The following NECTIN1 variants were observed in gnomAD, a reference collection of about 807,000 sequenced individuals.
The protein encoded by NECTIN1 is nectin-1.
A neutral mutation model predicts 48.0 loss-of-function variants in NECTIN1; 23 were observed. The observed-to-expected ratio is 0.48, with a 90% CI of 0.34 to 0.68. The LOEUF is 0.68. Among genes scored for constraint, NECTIN1 ranks in the 30% least tolerant of loss-of-function variants. NECTIN1 has a pLI of 0.01. For missense variants in NECTIN1, 591 were observed against 709.9 expected (o/e 0.83, Z 1.90); for synonymous variants, 270 against 288.9 (o/e 0.93, Z 0.66).
At chr11:119,643,820 TG>T (rs1864358776) in intron 5 of NECTIN1, among the ~76,000 whole-genome samples, 1 of 152,040 alleles carries the variant, frequency 6.6e-6, no homozygotes, top group Non-Finnish European at 1.5e-5. Context: ...CTGGAATCAG[TG>T]TCGGGGGGTG....
chr11:119,659,530 G>A (rs570620928), downstream of NECTIN1, among the ~76,000 whole-genome samples: 37 of 152,330 alleles, frequency 2.4e-4, 1 homozygote, highest in South Asian at 7.7e-3. Flanking sequence ...TTGGGCAGAA[G>A]GAGCCACAGC....
At chr11:119,649,361 C>A (rs1864457273) in intron 5 of NECTIN1, among the ~76,000 whole-genome samples, 1 of 144,940 alleles carries the variant, frequency 6.9e-6, no homozygotes, top group Non-Finnish European at 1.5e-5. Context: ...AGCCTGACAA[C>A]AGAGTGAGAC....
chr11:119,654,335 C>G (rs1261552051), intron 5 of NECTIN1: 3 of 152,124 alleles, frequency 2.0e-5, no homozygotes, highest in African/African-American at 7.2e-5. Flanking sequence ...AGTTTAACCA[C>G]CAGGATTGAG....
chr11:119,671,006 G>A (rs1864854738), intron 5 of NECTIN1, among the ~76,000 whole-genome samples: 1 of 151,946 alleles, frequency 6.6e-6, no homozygotes, highest in South Asian at 2.1e-4. Context: ...AAAGAACCCC[G>A]GTTATTTTGT....
chr11:119,711,033 C>T (rs191262645), intron 1 of NECTIN1, among the ~76,000 whole-genome samples: 55 of 148,654 alleles, frequency 3.7e-4, no homozygotes, highest in African/African-American at 1.4e-3. Context: ...GTTTTCCTTT[C>T]TTGGCATGGG....
chr11:119,659,582 TAA>T (rs1368943275), downstream of NECTIN1, among the ~76,000 whole-genome samples: 1 of 152,134 alleles, frequency 6.6e-6, no homozygotes, highest in African/African-American at 2.4e-5. Flanking sequence ...ACTAGAAGAC[TAA>T]GAGTATGCCC....
intron 1 of NECTIN1, among the ~76,000 whole-genome samples, chr11:119,686,482 G>A (rs1865156472): frequency 6.6e-6 from 1 of 152,134 alleles, no homozygotes; most frequent in African/African-American, 2.4e-5. Flanking sequence ...TCACTCAGCT[G>A]CCAGAGGGAT....
At chr11:119,654,549 CGT>C (rs954035153) in intron 5 of NECTIN1, among the ~76,000 whole-genome samples, 4 of 19,376 alleles carry the variant, frequency 2.1e-4, no homozygotes, top group Non-Finnish European at 5.1e-4. Context: ...TGTGTGTGTG[CGT>C]GTGTGTGTGT....
chr11:119,723,496 C>T (rs977807967), intron 1 of NECTIN1, among the ~76,000 whole-genome samples: 15 of 152,216 alleles, frequency 9.9e-5, no homozygotes, highest in Admixed American at 6.5e-5. Flanking sequence ...TAGCTGCCCC[C>T]GCCTGAGAAT....
intron 1 of NECTIN1, among the ~76,000 whole-genome samples, chr11:119,702,515 G>A (rs1672791336): frequency 6.6e-6 from 1 of 152,198 alleles, no homozygotes; most frequent in Admixed American, 6.5e-5. Context: ...TTCTGCTTCT[G>A]GTTGGGCCTA....
At chr11:119,642,517 T>C (rs1274844843) in intron 5 of NECTIN1, 1 of 153,558 alleles carries the variant, frequency 6.5e-6, no homozygotes, top group East Asian at 1.9e-4. Context: ...CCAGGAAACT[T>C]CTCTCAGAGG....
chr11:119,688,599 A>C (rs983911795), intron 1 of NECTIN1, among the ~76,000 whole-genome samples: 6 of 152,154 alleles, frequency 3.9e-5, no homozygotes, highest in African/African-American at 1.4e-4. Flanking sequence ...CCCGGGTAAG[A>C]CCACTGGCCT....
chr11:119,711,462 G>A (rs1379624548), intron 1 of NECTIN1, among the ~76,000 whole-genome samples: 3 of 152,108 alleles, frequency 2.0e-5, no homozygotes, highest in African/African-American at 4.8e-5. Context: ...AGCTCCCATC[G>A]GTTTACTGTA....
At chr11:119,689,667 C>T (rs917029512) in intron 1 of NECTIN1, among the ~76,000 whole-genome samples, 6 of 152,226 alleles carry the variant, frequency 3.9e-5, no homozygotes, top group East Asian at 1.9e-4. Flanking sequence ...GAGCTCCGTG[C>T]GCACTGCCAG....
At chr11:119,701,651 C>T (rs549564665) in intron 1 of NECTIN1, among the ~76,000 whole-genome samples, 54 of 152,292 alleles carry the variant, frequency 3.5e-4, no homozygotes, top group African/African-American at 1.1e-3. Flanking sequence ...CTCTAGGGGG[C>T]ATCTGGAGAG....
At chr11:119,719,066 G>A (rs1480347450) in intron 1 of NECTIN1, among the ~76,000 whole-genome samples, 2 of 152,122 alleles carry the variant, frequency 1.3e-5, no homozygotes, top group Non-Finnish European at 2.9e-5. Context: ...TTTGGATTGC[G>A]ACCCTTCAGG....
At chr11:119,647,790 C>G (rs148164756) in intron 5 of NECTIN1, among the ~76,000 whole-genome samples, 1 of 152,046 alleles carries the variant, frequency 6.6e-6, no homozygotes, top group Admixed American at 6.6e-5. Context: ...GGACTGGGCG[C>G]GGTGGCTCAC....
At chr11:119,697,348 G>A (rs1865359330) in intron 1 of NECTIN1, among the ~76,000 whole-genome samples, 1 of 152,104 alleles carries the variant, frequency 6.6e-6, no homozygotes, top group Non-Finnish European at 1.5e-5. Flanking sequence ...CTCCAGCCCT[G>A]GTCCCATCAG....
At chr11:119,650,468 C>T (rs1373821338) in intron 5 of NECTIN1, among the ~76,000 whole-genome samples, 1 of 152,248 alleles carries the variant, frequency 6.6e-6, no homozygotes, top group Non-Finnish European at 1.5e-5. Flanking sequence ...CCCACGAGCT[C>T]AGGTTTCACC....
Sources: gnomAD v4.1 joint callset for allele counts (sites outside exome capture counted in the v4.1 genomes callset) on GRCh38, gnomAD v4.1.1 for gene constraint, MANE v1.5 for transcripts, NCBI Gene and HGNC (gene_info 2026-07-23, HGNC 2026-07-21) for gene names.